The following SBF2 variants were observed in gnomAD, a reference collection of about 807,000 sequenced individuals.
SBF2 encodes the protein SET binding factor 2.
Under a neutral mutation model 225.2 loss-of-function variants are expected in SBF2, and 112 were observed. The ratio of observed to expected loss-of-function variants is 0.50; its 90% CI spans 0.43 to 0.58. SBF2 has a LOEUF of 0.58. Ranked by LOEUF, SBF2 falls within the 20% of genes least tolerant of loss-of-function variation. The pLI, the probability that SBF2 is intolerant of heterozygous loss-of-function variation, is 0.00. For synonymous variants in SBF2, 763 were observed against 773.3 expected, an observed-to-expected ratio of 0.99 and a Z score of 0.22; for missense variants, 1,996 against 2,206.2, an observed-to-expected ratio of 0.90 and a Z score of 1.91.
At chr11:9,838,814 G>C (rs113149791) in intron 26 of SBF2, 12 of 152,212 alleles carry the variant, frequency 7.9e-5, no homozygotes, top group African/African-American at 2.9e-4. Flanking sequence ...TGTAATTTTA[G>C]AAAATATATA....
intron 17 of SBF2, among the ~76,000 whole-genome samples, chr11:9,859,333 A>G (rs1857545150): frequency 1.3e-5 from 2 of 152,202 alleles, no homozygotes; most frequent in South Asian, 2.1e-4. Flanking sequence ...GGAACCTCTG[A>G]AAAAAACTTG....
At chr11:9,926,896 T>C (rs1043494566) in intron 16 of SBF2, among the ~76,000 whole-genome samples, 6 of 152,052 alleles carry the variant, frequency 3.9e-5, no homozygotes, top group Non-Finnish European at 8.8e-5. Context: ...TAAAATGTCG[T>C]GTAGAAATCA....
chr11:10,082,665 C>A (rs1951411921), intron 2 of SBF2, among the ~76,000 whole-genome samples: 1 of 152,010 alleles, frequency 6.6e-6, no homozygotes, highest in South Asian at 2.1e-4. Flanking sequence ...TGCAAAAAAT[C>A]ATTTGATAAA....
At chr11:9,945,933 AC>A (rs1180099575) in intron 16 of SBF2, among the ~76,000 whole-genome samples, 1 of 152,112 alleles carries the variant, frequency 6.6e-6, no homozygotes, top group African/African-American at 2.4e-5. Context: ...TAAAAAAAAA[AC>A]AGATGTTGGT....
In SBF2 at chr11:9,829,406, A is replaced by T. The variant is rs1430417099; in HGVS notation, c.3743T>A (p.Leu1248His). 6.2e-7 allele frequency: 1 copy of T among 1,614,082 alleles called. No individual in the cohort carries two copies. The highest frequency in any genetic ancestry group is 8.5e-7 in the Non-Finnish European group (1 of 1,179,908). ...LLNAVSVHQK[L>H]RGNSTLTVRP... ...GACAGTAAGAGTGCTGTTGCCTCTG[A>T]GTTTCTGATGGACAGAAACAGCATT... is the stretch of plus-strand genomic sequence containing the variant. Residue 1248 changes from leucine to histidine, a missense_variant, in exon 28 of 40, where the codon CTC (leucine) becomes CAC (histidine). Transcript: ENST00000256190.
At chr11:10,116,041 C>A (rs760253904) in intron 2 of SBF2, among the ~76,000 whole-genome samples, 1 of 151,990 alleles carries the variant, frequency 6.6e-6, no homozygotes, top group Non-Finnish European at 1.5e-5. Context: ...TGGTGATGGG[C>A]GCCTGTAGTC....
intron 17 of SBF2, among the ~76,000 whole-genome samples, chr11:9,886,237 T>C (rs1160294141): frequency 6.6e-6 from 1 of 152,204 alleles, no homozygotes; most frequent in Non-Finnish European, 1.5e-5. Flanking sequence ...AATTAGCAAC[T>C]TTCTTTTAAC....
At chr11:10,284,126 G>T (rs370038555) in intron 1 of SBF2, among the ~76,000 whole-genome samples, 15 of 152,042 alleles carry the variant, frequency 9.9e-5, no homozygotes, top group East Asian at 1.9e-4. Flanking sequence ...ACACACAATT[G>T]TAAGAATTAA....
intron 1 of SBF2, among the ~76,000 whole-genome samples, chr11:10,290,179 G>A (rs1413593110): frequency 6.6e-6 from 1 of 152,116 alleles, no homozygotes; most frequent in Non-Finnish European, 1.5e-5. Context: ...TGTGAGAAGA[G>A]CAGTTGTCAT....
intron 25 of SBF2, 49 bp downstream of exon 25, chr11:9,842,576 A>G (rs780821402): frequency 1.9e-6 from 3 of 1,576,038 alleles, no homozygotes; most frequent in Non-Finnish European, 2.6e-6. Flanking sequence ...TCTCTTATTC[A>G]TATAAGAAAT....
chr11:9,782,132 C>G (rs1852047787), intron 38 of SBF2, among the ~76,000 whole-genome samples: 1 of 151,120 alleles, frequency 6.6e-6, no homozygotes, highest in Non-Finnish European at 1.5e-5. Context: ...CTGCAGTGAG[C>G]TGAGATCCTG....
At chr11:9,787,048 A>C (rs1191505559) in intron 36 of SBF2, among the ~76,000 whole-genome samples, 1 of 152,134 alleles carries the variant, frequency 6.6e-6, no homozygotes, top group African/African-American at 2.4e-5. Context: ...GGCATGCGCC[A>C]CCACACCCAG....
At chr11:10,019,276 CA>C (rs1030384451) in intron 6 of SBF2, among the ~76,000 whole-genome samples, 2 of 152,188 alleles carry the variant, frequency 1.3e-5, no homozygotes, top group Non-Finnish European at 2.9e-5. Context: ...TACATTGGAA[CA>C]GTTTTCGTTA....
intron 1 of SBF2, among the ~76,000 whole-genome samples, chr11:10,290,097 T>C (rs1198097252): frequency 6.6e-6 from 1 of 152,206 alleles, no homozygotes; most frequent in African/African-American, 2.4e-5. Flanking sequence ...CTGTTGACAT[T>C]CTACAATTTA....
At chr11:10,089,113 T>G (rs1423310274) in intron 2 of SBF2, among the ~76,000 whole-genome samples, 3 of 152,186 alleles carry the variant, frequency 2.0e-5, no homozygotes, top group Non-Finnish European at 4.4e-5. Context: ...ATACACTGCA[T>G]AGTGGCGAAG....
intron 28 of SBF2, among the ~76,000 whole-genome samples, chr11:9,825,523 A>G (rs1855013637): frequency 6.6e-6 from 1 of 152,232 alleles, no homozygotes; most frequent in African/African-American, 2.4e-5. Flanking sequence ...AGATGACTCA[A>G]GGAGGTTGAA....
Position 9,790,604 on chromosome 11 carries a change from C to T in SBF2, c.4650G>A (p.Lys1550=). Residue 1550 remains lysine, a synonymous_variant, in exon 34 of 40, where the codon AAG becomes AAA. Coordinates refer to ENST00000256190, the MANE Select transcript of SBF2 (RefSeq NM_030962.4). ...CIWECIDRMH[K]RSPIFFNYLY... is the part of the protein sequence containing the mutation. ...AATAATTAAAGAAAATGGGACTCCT[C>T]TTGTGCATTCTGTCAATACATTCCC... 1 of 1,588,246 alleles carries T rather than the reference C, an allele frequency of 6.3e-7. No homozygotes were observed.
In SBF2 at chr11:10,236,118, C is replaced by A. The variant is rs536145047; in HGVS notation, c.56-42131G>T. Among the ~76,000 whole-genome samples, 16 of 152,072 alleles carry A rather than the reference C, an allele frequency of 1.1e-4. No individual in the cohort carries two copies. In the South Asian group the frequency reaches 2.9e-3, roughly 28 times the overall value. On this transcript the variant is annotated intron_variant, in intron 1 of 39. Transcript: ENST00000256190. ...GGAGTCCTCATATAACCAGAAAGTACAAATGAACAAATAAAAACGAACAAA... is the reference window on the plus strand; with the variant it reads ...GGAGTCCTCATATAACCAGAAAGTAAAAATGAACAAATAAAAACGAACAAA...
chr11:10,249,512 T>G (rs1960140696), intron 1 of SBF2, among the ~76,000 whole-genome samples: 1 of 152,134 alleles, frequency 6.6e-6, no homozygotes, highest in South Asian at 2.1e-4. Flanking sequence ...CTTCCCTCTA[T>G]CAATGAGTAA....
Sources: gnomAD v4.1 joint callset for allele counts (sites outside exome capture counted in the v4.1 genomes callset) on GRCh38, gnomAD v4.1.1 for gene constraint, MANE v1.5 for transcripts, NCBI Gene and HGNC (gene_info 2026-07-23, HGNC 2026-07-21) for gene names.